The following KIR3DL1 variants were observed in gnomAD, a reference collection of about 807,000 sequenced individuals.
The protein encoded by KIR3DL1 is killer cell immunoglobulin like receptor, three Ig domains and long cytoplasmic tail 1.
In KIR3DL1, 50 loss-of-function variants were observed where a neutral mutation model predicts 40.3. The observed-to-expected ratio is 1.24, with a 90% confidence interval of 0.99 to 1.57. KIR3DL1 has a LOEUF of 1.57. Ranked by LOEUF, KIR3DL1 falls within the 40% of genes most tolerant of loss-of-function variation. KIR3DL1 has a pLI of 0.00. For synonymous variants in KIR3DL1, 257 were observed against 207.2 expected, an observed-to-expected ratio of 1.24 and a Z score of -2.07; for missense variants, 661 against 559.9, an observed-to-expected ratio of 1.18 and a Z score of -1.82.
In KIR3DL1 at chr19:54,821,830, G is replaced by A. The variant is rs112639840; in HGVS notation, c.921G>A (p.Pro307=). ...ACTCTCCCTACGAGTGGTCAGACCC[G>A]AGTGACCCACTGCTTGTTTCTGTCA... Residue 307 remains proline, a synonymous_variant, in exon 5 of 9, where the codon CCG becomes CCA. Coordinates refer to ENST00000391728, the Ensembl canonical transcript of KIR3DL1. The A allele has an allele frequency of 2.1e-3, 3,378 of 1,602,674 alleles. 176 individuals are homozygous for A. The African/African-American group carries it at 0.039, about 18-fold the overall frequency.
At chr19:54,816,731 G>T (rs2061352461) in intron 1 of KIR3DL1, among the ~76,000 whole-genome samples, 197 bp downstream of exon 1, 1 of 141,966 alleles carries the variant, frequency 7.0e-6, no homozygotes, top group Admixed American at 7.0e-5. Context: ...GCCTGGAGTG[G>T]AGATCTGGGC....
At chr19:54,821,117 A>G (rs1161211453) in intron 4 of KIR3DL1, among the ~76,000 whole-genome samples, 2 of 150,364 alleles carry the variant, frequency 1.3e-5, no homozygotes, top group African/African-American at 4.9e-5. Flanking sequence ...ATATATAGAT[A>G]ATAGATGATT....
rs186787286 is a variant in KIR3DL1, at chr19:54,829,621, C to T, written c.1105+156C>T. On this transcript the variant is annotated intron_variant, in intron 7 of 8. Coordinates refer to ENST00000391728, the Ensembl canonical transcript of KIR3DL1. ...TCTAGAGAGAGCACCAGACTCCCTGCCCCTGCCTTCAGCTCACAGACCGTT... is the reference window on the plus strand; with the variant it reads ...TCTAGAGAGAGCACCAGACTCCCTGTCCCTGCCTTCAGCTCACAGACCGTT... Among the ~76,000 whole-genome samples, 275 of 137,790 alleles carry T rather than the reference C, an allele frequency of 2.0e-3. 3 individuals carry two copies. The highest frequency in any genetic ancestry group is 3.2e-3 in the African/African-American group (119 of 37,456). 90.4% of individuals were successfully genotyped at this position (137,790 alleles called of 152,430 possible). A position where few individuals can be genotyped will look rare whatever the true frequency, so the allele number is the denominator to read the frequency against.
rs561922005 is a variant in KIR3DL1 at position 54,828,213 on chromosome 19, G to A, written c.1001-1148G>A. 1.9e-4 allele frequency among the ~76,000 whole-genome samples: 28 copies of A among 151,018 alleles called. 1 individual carries two copies. Among genetic ancestry groups the A allele is most frequent in the South Asian group, 6.3e-4 (3 of 4,758 alleles). On this transcript the variant is annotated intron_variant, in intron 6 of 8. Coordinates refer to ENST00000391728, the Ensembl canonical transcript of KIR3DL1. ...GTTTGACATAAGAGAATTCTACTTC[G>A]CTTTTTTTATATTGATTTCACTTTT...
At position 54,827,857 on chromosome 19, in the gene KIR3DL1, G is replaced by T. The variant is rs35970023; in HGVS notation, c.1001-1504G>T. Among the ~76,000 whole-genome samples the T allele has an allele frequency of 2.0e-5, 3 of 150,128 alleles. 1 individual carries two copies. The highest frequency in any genetic ancestry group is 4.4e-5 in the Non-Finnish European group (3 of 67,848). ...AATCCTGGAATAGAGAAAGTGCTCT[G>T]GTCATCACAAAAAAAACTTGCCCCC... On this transcript the variant is annotated intron_variant, in intron 6 of 8. Transcript: ENST00000391728.
chr19:54,821,271 A>T (rs1174077529), intron 4 of KIR3DL1, among the ~76,000 whole-genome samples: 2 of 148,056 alleles, frequency 1.4e-5, no homozygotes, highest in African/African-American at 4.9e-5. Flanking sequence ...AGAAAGTGAG[A>T]GACTCAAAAT....
intron 3 of KIR3DL1, 66 bp from the exon 4 acceptor site, chr19:54,819,647 A>C (rs1410605439): frequency 2.0e-6 from 3 of 1,536,928 alleles, no homozygotes; most frequent in Non-Finnish European, 2.7e-6. Flanking sequence ...ACCCTCACTC[A>C]TTCCAGGTGC....
At chr19:54,823,643 A>G (rs603172) in intron 5 of KIR3DL1, among the ~76,000 whole-genome samples, 28,143 of 150,952 alleles carry the variant, frequency 0.19, 3,131 homozygotes, top group South Asian at 0.32. Flanking sequence ...GATTACAGGC[A>G]TGTGCCACCA....
At chr19:54,821,973 G>A (rs2061663509) in intron 5 of KIR3DL1, 115 bp downstream of exon 5, 2 of 1,308,076 alleles carry the variant, frequency 1.5e-6, no homozygotes, top group Non-Finnish European at 2.1e-6. Context: ...CACAGCAGGT[G>A]TGAGGGCGGA....
At chr19:54,820,518 C>G (rs1194776411) in intron 4 of KIR3DL1, among the ~76,000 whole-genome samples, 3 of 151,386 alleles carry the variant, frequency 2.0e-5, no homozygotes, top group African/African-American at 7.3e-5. Flanking sequence ...TATCATGGCC[C>G]CTGAACACCA....
Position 54,819,946 on chromosome 19 carries a change from G to C in KIR3DL1, c.589G>C (p.Gly197Arg), listed in dbSNP as rs374824552. Reference sequence around the variant, plus strand: ...CCTTGCAGGGACCTACAGATGCTACGGTTCTGTTACTCACACCCCCTATCA... The same window carrying C: ...CCTTGCAGGGACCTACAGATGCTACCGTTCTGTTACTCACACCCCCTATCA... The change falls in exon 4 of 9, where the codon GGT (glycine) becomes CGT (arginine). Residue 197 changes from glycine (G) to arginine (R), a missense_variant. Physicochemically the swap from Gly to Arg is moderately radical, Grantham distance 125. Coordinates refer to ENST00000391728, the Ensembl canonical transcript of KIR3DL1. 1.2e-6 allele frequency: 2 copies of C among 1,611,854 alleles called. No homozygotes were observed. Among genetic ancestry groups the C allele is most frequent in the Non-Finnish European group, 1.7e-6 (2 of 1,179,464 alleles).
rs772586620 is a variant in KIR3DL1 at position 54,819,858 on chromosome 19, C to T, written c.501C>T (p.Leu167=). The T allele has an allele frequency of 2.4e-5, 38 of 1,612,072 alleles. 1 individual carries two copies. In the South Asian group the frequency reaches 3.4e-4, roughly 15 times the overall value. ...GGATCTCTAAGGACCCCTCACGCCT[C>T]GTTGGACAGATCCATGATGGGGTCT... is the stretch of plus-strand genomic sequence containing the variant. The change falls in exon 4 of 9, where the codon CTC becomes CTT. Residue 167 remains leucine (L), a synonymous_variant. Transcript: ENST00000391728.
intron 5 of KIR3DL1, among the ~76,000 whole-genome samples, chr19:54,822,234 CCTTTT>C (rs2061676755): frequency 6.6e-6 from 1 of 151,254 alleles, no homozygotes; most frequent in South Asian, 2.1e-4. Context: ...ACCCCTACAC[CCTTTT>C]CTTTTCATTT....
rs1317622716 is a variant in KIR3DL1 at position 54,817,532 on chromosome 19, AG to A, written c.36del. ...ATGGTCCATCATGATCTTTCTTTCTAGGGTTGTTCTTGGTCCAGAGGGCCGG... is the reference window on the plus strand; with the variant it reads ...ATGGTCCATCATGATCTTTCTTTCTAGGTTGTTCTTGGTCCAGAGGGCCGG... On this transcript the variant is annotated splice_acceptor_variant, in intron 1 of 8. Transcript: ENST00000391728. LOFTEE classifies it high-confidence loss of function. The A allele has an allele frequency of 1.3e-6, 2 of 1,509,366 alleles. No homozygotes were observed. The highest frequency in any genetic ancestry group is 1.8e-6 in the Non-Finnish European group (2 of 1,105,780). The allele number at this position is 1,509,366 out of a possible 1,614,324, so 93.5% of individuals were successfully genotyped here. A position where few individuals can be genotyped will look rare whatever the true frequency, so the allele number is the denominator to read the frequency against.
chr19:54,821,844 T>C lies in KIR3DL1; in HGVS notation c.935T>C (p.Leu312Pro). 2 of 1,601,688 alleles carry C rather than the reference T, an allele frequency of 1.2e-6. 1 individual carries two copies. ...TGGTCAGACCCGAGTGACCCACTGCTTGTTTCTGTCACAGGTGAGAAAAGC... is the reference window on the plus strand; with the variant it reads ...TGGTCAGACCCGAGTGACCCACTGCCTGTTTCTGTCACAGGTGAGAAAAGC... The change falls in exon 5 of 9, where the codon CTT becomes CCT. Residue 312 changes from leucine (L) to proline (P), a missense_variant. By Grantham distance (98) the Leu-to-Pro change is moderately conservative. Transcript: ENST00000391728.
exon 9 of KIR3DL1, chr19:54,830,683 G>A (rs1483915285): frequency 1.4e-5 from 3 of 219,964 alleles, no homozygotes; most frequent in African/African-American, 7.1e-5. Context: ...CCTTTCTTCG[G>A]ACTATTTTCC....
chr19:54,827,804 G>A (rs1200052379), intron 6 of KIR3DL1, among the ~76,000 whole-genome samples: 2 of 150,498 alleles, frequency 1.3e-5, no homozygotes, highest in East Asian at 1.9e-4. Flanking sequence ...TATAGAAAAT[G>A]TGAAAGCCCG....
At chr19:54,819,856 C>T (rs779085160) in exon 4 of KIR3DL1, 7 of 1,612,190 alleles carry the variant, frequency 4.3e-6, no homozygotes, top group South Asian at 3.3e-5. Context: ...CCCCTCACGC[C>T]TCGTTGGACA....
intron 3 of KIR3DL1, 33 bp downstream of exon 3, chr19:54,818,632 C>G (rs1325439662): frequency 6.3e-7 from 1 of 1,589,998 alleles, no homozygotes; most frequent in African/African-American, 1.4e-5. Flanking sequence ...TTCTCACTGT[C>G]CCACCTCCTG....
Sources: gnomAD v4.1 joint callset for allele counts (sites outside exome capture counted in the v4.1 genomes callset) on GRCh38, gnomAD v4.1.1 for gene constraint, MANE v1.5 for transcripts, NCBI Gene and HGNC (gene_info 2026-07-23, HGNC 2026-07-21) for gene names.